The following XKR4 variants were observed in gnomAD, a reference collection of about 807,000 sequenced individuals.
The protein encoded by XKR4 is XK related 4.
A neutral mutation model predicts 53.9 loss-of-function variants in XKR4; 12 were observed. The ratio of observed to expected loss-of-function variants is 0.22; its 90% confidence interval spans 0.14 to 0.36. The LOEUF is 0.36. XKR4 is among the 10% of genes least tolerant of loss of function. The pLI, the probability that XKR4 is intolerant of heterozygous loss-of-function variation, is 1.00. For synonymous variants in XKR4, 354 were observed against 362.4 expected, an observed-to-expected ratio of 0.98 and a Z score of 0.26; for missense variants, 799 against 859.5, an observed-to-expected ratio of 0.93 and a Z score of 0.88.
At chr8:55,302,593 G>T (rs1476438426) in intron 1 of XKR4, among the ~76,000 whole-genome samples, 1 of 148,306 alleles carries the variant, frequency 6.7e-6, no homozygotes, top group South Asian at 2.2e-4. Flanking sequence ...GGGCAGTATG[G>T]CCATTTTCAT....
chr8:55,272,829 G>A, intron 1 of XKR4: 1 of 422,232 alleles, frequency 2.4e-6, no homozygotes. Context: ...AGAATTCCAA[G>A]AATTATGTTT....
chr8:55,237,828 G>A (rs1379363214), intron 1 of XKR4, among the ~76,000 whole-genome samples: 3 of 152,186 alleles, frequency 2.0e-5, no homozygotes, highest in Non-Finnish European at 4.4e-5. Context: ...CCTGATTTAT[G>A]ACTGACTCCT....
intron 2 of XKR4, among the ~76,000 whole-genome samples, chr8:55,409,651 T>C (rs765171278): frequency 2.0e-5 from 3 of 151,970 alleles, no homozygotes; most frequent in South Asian, 2.1e-4. Flanking sequence ...TGTCCTAAAA[T>C]TGGGGATAAA....
chr8:55,523,141 C>CAAAAAA (rs35183687), intron 2 of XKR4, 140 bp from the exon 3 acceptor site: 2 of 587,248 alleles, frequency 3.4e-6, no homozygotes, highest in Non-Finnish European at 5.5e-6. Context: ...GACTCTGTCT[C>CAAAAAA]AAAAAAAAAA....
chr8:55,397,444 G>A lies in XKR4; in HGVS notation c.1006+39567G>A, dbSNP rs369676757. Among the ~76,000 whole-genome samples the A allele has an allele frequency of 3.3e-5, 5 of 152,304 alleles. No homozygotes were observed. The East Asian group carries it at 7.7e-4, about 24-fold the overall frequency. On this transcript the variant is annotated intron_variant, in intron 2 of 2. Transcript: ENST00000327381. ...ACATTAAAACAAGCATCTGTCTGCT[G>A]TGGGTTAGGTTGGGGCTTGGAAGCT...
At chr8:55,450,400 T>C in intron 2 of XKR4, 1 of 587,848 alleles carries the variant, frequency 1.7e-6, no homozygotes, top group African/African-American at 1.9e-5. Flanking sequence ...ATTCATGTAG[T>C]TGTGGAACAT....
intron 1 of XKR4, among the ~76,000 whole-genome samples, chr8:55,299,856 G>GACATCCA (rs1819160174): frequency 6.6e-6 from 1 of 152,100 alleles, no homozygotes; most frequent in African/African-American, 2.4e-5. Context: ...GTCTCTGTGG[G>GACATCCA]ACATCCAAGG....
chr8:55,137,200 CA>C (rs1816643137), intron 1 of XKR4, among the ~76,000 whole-genome samples: 1 of 151,226 alleles, frequency 6.6e-6, no homozygotes. Flanking sequence ...TCTACAAAGT[CA>C]AAAGAAAGTT....
chr8:55,327,000 A>G (rs574281852), intron 1 of XKR4, among the ~76,000 whole-genome samples: 5 of 152,184 alleles, frequency 3.3e-5, no homozygotes, highest in African/African-American at 1.2e-4. Flanking sequence ...AAGTCATCTT[A>G]TTCGAGAAAA....
At chr8:55,443,036 A>G (rs545379660) in intron 2 of XKR4, among the ~76,000 whole-genome samples, 1 of 152,346 alleles carries the variant, frequency 6.6e-6, no homozygotes, top group Non-Finnish European at 1.5e-5. Context: ...TTCTAAAAAG[A>G]CATCAGTCTC....
chr8:55,201,085 G>A (rs1434143246), intron 1 of XKR4, among the ~76,000 whole-genome samples: 1 of 152,170 alleles, frequency 6.6e-6, no homozygotes, highest in Non-Finnish European at 1.5e-5. Flanking sequence ...TTAAGGATAT[G>A]TATTGGCTCC....
At chr8:55,360,230 A>G (rs1404716715) in intron 2 of XKR4, among the ~76,000 whole-genome samples, 5 of 152,234 alleles carry the variant, frequency 3.3e-5, no homozygotes, top group African/African-American at 1.2e-4. Context: ...TCTGACAGTA[A>G]AAAACGACAG....
chr8:55,378,413 A>G (rs1804181556), intron 2 of XKR4, among the ~76,000 whole-genome samples: 1 of 152,216 alleles, frequency 6.6e-6, no homozygotes, highest in Non-Finnish European at 1.5e-5. Flanking sequence ...TAAGAGCTAT[A>G]AAATATCCAT....
intron 1 of XKR4, among the ~76,000 whole-genome samples, chr8:55,179,409 G>A (rs753282881): frequency 3.3e-5 from 5 of 152,108 alleles, no homozygotes; most frequent in Admixed American, 6.5e-5. Flanking sequence ...TTTAGCAAGA[G>A]GGGTATTGTT....
At chr8:55,392,417 T>A (rs953542226) in intron 2 of XKR4, among the ~76,000 whole-genome samples, 2 of 152,192 alleles carry the variant, frequency 1.3e-5, no homozygotes, top group Admixed American at 6.5e-5. Flanking sequence ...GATGAGACAA[T>A]GTTTTTTAAA....
intron 1 of XKR4, among the ~76,000 whole-genome samples, chr8:55,348,645 G>T (rs202083913): frequency 6.8e-6 from 1 of 147,394 alleles, no homozygotes; most frequent in African/African-American, 2.6e-5. Flanking sequence ...GATGAATAGA[G>T]ATAATGGATA....
chr8:55,215,711 A>G (rs753787907), intron 1 of XKR4, among the ~76,000 whole-genome samples: 2 of 152,230 alleles, frequency 1.3e-5, no homozygotes, highest in African/African-American at 2.4e-5. Context: ...ACTAATTATA[A>G]TTAAACTTTC....
At chr8:55,210,535 A>G (rs1817717138) in intron 1 of XKR4, among the ~76,000 whole-genome samples, 1 of 152,206 alleles carries the variant, frequency 6.6e-6, no homozygotes, top group Admixed American at 6.5e-5. Context: ...TCTTTCTCCC[A>G]TGAATAAAAT....
intron 2 of XKR4, among the ~76,000 whole-genome samples, chr8:55,426,681 G>C (rs16921802): frequency 0.11 from 16,002 of 152,094 alleles, 2,030 homozygotes; most frequent in African/African-American, 0.3. Flanking sequence ...CACGAGTCAG[G>C]CATTAAAAAT....
Sources: allele counts gnomAD v4.1 joint callset (sites outside exome capture counted in the v4.1 genomes callset), GRCh38; gene constraint gnomAD v4.1.1; transcripts MANE v1.5; gene names NCBI Gene and HGNC (gene_info 2026-07-23, HGNC 2026-07-21).